OR2M4: variants seen among roughly 807,000 people sequenced by gnomAD.
The protein encoded by OR2M4 is olfactory receptor 2M4.
In OR2M4, 8 loss-of-function variants were observed where a neutral mutation model predicts 13.7. That is an observed-to-expected ratio of 0.58 (90% CI 0.34 to 1.05). OR2M4 has a LOEUF of 1.05. OR2M4 is among the 50% of genes least tolerant of loss of function. The probability of loss-of-function intolerance (pLI) is 0.02; values close to 1 mark genes in which losing one functional copy is unlikely to be tolerated. For synonymous variants in OR2M4, 152 were observed against 141.3 expected, an observed-to-expected ratio of 1.08 and a Z score of -0.53; for missense variants, 374 against 381.6, an observed-to-expected ratio of 0.98 and a Z score of 0.17.
At chr1:248,238,014 T>A (rs1160900644) in intron 1 of OR2M4, among the ~76,000 whole-genome samples, 1 of 152,208 alleles carries the variant, frequency 6.6e-6, no homozygotes, top group Non-Finnish European at 1.5e-5. Context: ...GGTTTTTGAA[T>A]GTCCTCACTA....
Position 248,239,354 on chromosome 1 carries a change from C to T in OR2M4, c.426C>T (p.Val142=), listed in dbSNP as rs1052805077. 3.1e-6 allele frequency: 5 copies of T among 1,613,976 alleles called. No homozygotes were observed. The African/African-American group carries it at 6.7e-5, about 22-fold the overall frequency. Residue 142 remains valine (V), a synonymous_variant, in exon 2 of 2, where the codon GTC becomes GTT. Transcript: ENST00000641868. ...TCCTCATGAATCCGAAACTCTGTGT[C>T]TTCATGACTGTTGCTTCCTGGACCT... ...YTILMNPKLC[V]FMTVASWTLG...
chr1:248,244,102 A>T lies in OR2M4; in HGVS notation c.*4238A>T, dbSNP rs2103024498. 1 of 152,334 alleles carries T rather than the reference A, an allele frequency of 6.6e-6. No homozygotes were observed. The highest frequency in any genetic ancestry group is 1.5e-5 in the Non-Finnish European group (1 of 68,030). 9.4% of individuals were successfully genotyped at this position (152,334 alleles called of 1,614,324 possible). ...GAACACATATACACTGTTGGTGGGA[A>T]TGTAAATTATAGTTGAGCCACTGTG... On this transcript the variant is annotated 3_prime_UTR_variant, in exon 2 of 2. Transcript: ENST00000641868.
In OR2M4 at chr1:248,239,388, C is replaced by G; in HGVS notation, c.460C>G (p.Leu154Val). 6.2e-7 allele frequency: 1 copy of G among 1,614,116 alleles called. No individual in the cohort carries two copies. Among genetic ancestry groups the G allele is most frequent in the Non-Finnish European group, 8.5e-7 (1 of 1,180,018 alleles). Residue 154 changes from leucine to valine, a missense_variant, in exon 2 of 2, where the codon CTT (leucine) becomes GTT (valine). Coordinates refer to ENST00000641868, the MANE Select transcript of OR2M4 (RefSeq NM_017504.2). Reference protein sequence around the residue: ...MTVASWTLGSLDGIIVLAAVL... With the variant: ...MTVASWTLGSVDGIIVLAAVL... ...TGTTGCTTCCTGGACCTTGGGGTCT[C>G]TTGATGGGATCATAGTGCTTGCAGC...
At chr1:248,233,275 GCATATGCCA>G (rs1445290609) in intron 1 of OR2M4, among the ~76,000 whole-genome samples, 1 of 152,078 alleles carries the variant, frequency 6.6e-6, no homozygotes, top group Non-Finnish European at 1.5e-5. Context: ...GTTGTGATAG[GCATATGCCA>G]CATACCATTA....
intron 1 of OR2M4, among the ~76,000 whole-genome samples, chr1:248,232,833 G>A (rs910123209): frequency 1.4e-4 from 22 of 151,948 alleles, no homozygotes; most frequent in Non-Finnish European, 4.4e-5. Flanking sequence ...TATTCTTGTA[G>A]GAAATTTGGA....
chr1:248,235,821 GA>G (rs1362848287), intron 1 of OR2M4, among the ~76,000 whole-genome samples: 1 of 152,096 alleles, frequency 6.6e-6, no homozygotes, highest in Admixed American at 6.6e-5. Flanking sequence ...TGGTGCATAG[GA>G]ATGCTTGTAA....
intron 1 of OR2M4, among the ~76,000 whole-genome samples, chr1:248,232,292 G>A (rs12129682): frequency 0.024 from 3,605 of 152,194 alleles, 65 homozygotes; most frequent in Non-Finnish European, 0.035. Context: ...GCTACAATAT[G>A]TGGTTGGAAA....
At chr1:248,232,173 T>C (rs1296995151) in intron 1 of OR2M4, among the ~76,000 whole-genome samples, 1 of 152,174 alleles carries the variant, frequency 6.6e-6, no homozygotes, top group Non-Finnish European at 1.5e-5. Context: ...TTCATAAAAT[T>C]CTGACAATCA....
intron 1 of OR2M4, among the ~76,000 whole-genome samples, chr1:248,233,675 C>A (rs1202887662): frequency 2.0e-5 from 3 of 151,214 alleles, no homozygotes; most frequent in African/African-American, 7.4e-5. Flanking sequence ...TAGGAAATAA[C>A]AACAAAGACA....
Position 248,243,145 on chromosome 1 carries a change from T to C in OR2M4, c.*3281T>C, listed in dbSNP as rs1055919333. On this transcript the variant is annotated 3_prime_UTR_variant, in exon 2 of 2. Transcript: ENST00000641868. ...AAAAATTAGTGTCTGAATTATGAGCTGAAAATGTAAAATAAACGCTTGATT... is the reference window on the plus strand; with the variant it reads ...AAAAATTAGTGTCTGAATTATGAGCCGAAAATGTAAAATAAACGCTTGATT... 2.0e-5 allele frequency: 3 copies of C among 152,208 alleles called. No individual in the cohort carries two copies. Among genetic ancestry groups the C allele is most frequent in the African/African-American group, 7.2e-5 (3 of 41,440 alleles). The allele number at this position is 152,208 out of a possible 1,614,324, so 9.4% of individuals were successfully genotyped here.
chr1:248,233,050 A>G (rs1045077987), intron 1 of OR2M4, among the ~76,000 whole-genome samples: 5 of 152,160 alleles, frequency 3.3e-5, no homozygotes, highest in African/African-American at 4.8e-5. Flanking sequence ...AGTTTAATTT[A>G]GTTAAGATAA....
At chr1:248,235,215 C>A (rs11204614) in intron 1 of OR2M4, among the ~76,000 whole-genome samples, 65,540 of 151,962 alleles carry the variant, frequency 0.43, 16,834 homozygotes, top group Non-Finnish European at 0.57. Flanking sequence ...TTTCAGTTTT[C>A]TGCATATGGC....
rs1558263178 is a variant in OR2M4 at position 248,244,191 on chromosome 1, A to G, written c.*4327A>G. ...GGCTGCTACTTGACCCAGGAATGCTATTACTGGGGATACATCCAAAAGAAA... is the reference window on the plus strand; with the variant it reads ...GGCTGCTACTTGACCCAGGAATGCTGTTACTGGGGATACATCCAAAAGAAA... On this transcript the variant is annotated 3_prime_UTR_variant, in exon 2 of 2. Coordinates refer to ENST00000641868, the MANE Select transcript of OR2M4 (RefSeq NM_017504.2). 6.6e-6 allele frequency: 1 copy of G among 152,180 alleles called. No homozygotes were observed. 9.4% of individuals were successfully genotyped at this position (152,180 alleles called of 1,614,324 possible). A position where few individuals can be genotyped will look rare whatever the true frequency, so the allele number is the denominator to read the frequency against.
rs1666649180 is a variant in OR2M4 at position 248,244,672 on chromosome 1, A to G, written c.*4808A>G. On this transcript the variant is annotated 3_prime_UTR_variant, in exon 2 of 2. Coordinates refer to ENST00000641868, the MANE Select transcript of OR2M4 (RefSeq NM_017504.2). The stretch of plus-strand genomic sequence containing the variant: ...ACACATGTAACAAACACGCACATGT[A>G]CCCACTGTGTCTAAAATAAAAGATG... 1 of 152,192 alleles carries G rather than the reference A, an allele frequency of 6.6e-6. No homozygotes were observed. Among genetic ancestry groups the G allele is most frequent in the African/African-American group, 2.4e-5 (1 of 41,442 alleles). The allele number at this position is 152,192 out of a possible 1,614,324, so 9.4% of individuals were successfully genotyped here.
intron 1 of OR2M4, 67 bp downstream of exon 1, chr1:248,231,647 T>C (rs1666504396): frequency 6.6e-6 from 1 of 152,200 alleles, no homozygotes. Flanking sequence ...TGACCTTATA[T>C]GACTTTATTG....
intron 1 of OR2M4, among the ~76,000 whole-genome samples, chr1:248,236,923 T>C (rs907450309): frequency 6.6e-6 from 1 of 152,304 alleles, no homozygotes; most frequent in Admixed American, 6.5e-5. Flanking sequence ...CAGTACTAAA[T>C]GGCCTACCAA....
In OR2M4 at chr1:248,239,050, A is replaced by G. The variant is rs772964224; in HGVS notation, c.122A>G (p.Glu41Gly). 1 of 1,613,960 alleles carries G rather than the reference A, an allele frequency of 6.2e-7. No individual in the cohort carries two copies. The highest frequency in any genetic ancestry group is 1.1e-5 in the South Asian group (1 of 91,066). ...GGCATCTTCTCACTGGCATTGATGG[A>G]AAATATTTCCATGGTTCTCCTCATC... ...VLGIFSLALM[E>G]NISMVLLIYI... The change falls in exon 2 of 2, where the codon GAA becomes GGA. Residue 41 changes from glutamate to glycine, a missense_variant. By Grantham distance (98) the Glu-to-Gly change is moderately conservative. Transcript: ENST00000641868.
Position 248,243,158 on chromosome 1 carries a change from T to C in OR2M4, c.*3294T>C, listed in dbSNP as rs1666633340. ...TGAATTATGAGCTGAAAATGTAAAATAAACGCTTGATTTTAAAAAGTTTAT... is the reference window on the plus strand; with the variant it reads ...TGAATTATGAGCTGAAAATGTAAAACAAACGCTTGATTTTAAAAAGTTTAT... On this transcript the variant is annotated 3_prime_UTR_variant, in exon 2 of 2. Coordinates refer to ENST00000641868, the MANE Select transcript of OR2M4 (RefSeq NM_017504.2). The C allele has an allele frequency of 6.6e-6, 1 of 152,180 alleles. No homozygotes were observed. The highest frequency in any genetic ancestry group is 1.5e-5 in the Non-Finnish European group (1 of 68,008). 9.4% of individuals were successfully genotyped at this position (152,180 alleles called of 1,614,324 possible). A position where few individuals can be genotyped will look rare whatever the true frequency, so the allele number is the denominator to read the frequency against.
chr1:248,236,302 C>A (rs374899963), intron 1 of OR2M4, among the ~76,000 whole-genome samples: 26 of 152,172 alleles, frequency 1.7e-4, no homozygotes, highest in South Asian at 1.0e-3. Context: ...AACCTGCTCC[C>A]AAATGACTCC....
Sources: gnomAD v4.1 joint callset for allele counts (sites outside exome capture counted in the v4.1 genomes callset) on GRCh38, gnomAD v4.1.1 for gene constraint, MANE v1.5 for transcripts, NCBI Gene and HGNC (gene_info 2026-07-23, HGNC 2026-07-21) for gene names.